The following CACNA2D2 variants were observed in gnomAD, a reference collection of about 807,000 sequenced individuals.
The protein encoded by CACNA2D2 is calcium voltage-gated channel auxiliary subunit alpha2delta 2.
A neutral mutation model predicts 166.4 loss-of-function variants in CACNA2D2; 48 were observed. The ratio of observed to expected loss-of-function variants is 0.29; its 90% CI spans 0.23 to 0.37. The LOEUF (loss-of-function observed/expected upper bound fraction) is 0.37. Among genes scored for constraint, CACNA2D2 ranks in the 10% least tolerant of loss-of-function variants. The pLI is 1.00. For missense variants in CACNA2D2, 1,122 were observed against 1,433.0 expected, an observed-to-expected ratio of 0.78 and a Z score of 3.50; for synonymous variants, 561 against 573.7, an observed-to-expected ratio of 0.98 and a Z score of 0.32.
chr3:50,393,279 C>CA (rs1705973460), intron 4 of CACNA2D2, among the ~76,000 whole-genome samples: 1 of 152,182 alleles, frequency 6.6e-6, no homozygotes, highest in South Asian at 2.1e-4. Flanking sequence ...GTGTTTAGCA[C>CA]AAGAGTACTA....
chr3:50,451,362 G>A (rs967466639), intron 2 of CACNA2D2, among the ~76,000 whole-genome samples: 3 of 151,934 alleles, frequency 2.0e-5, no homozygotes, highest in African/African-American at 7.3e-5. Context: ...CTGACCTCAG[G>A]TGATCTGCCC....
chr3:50,464,870 T>C (rs1163946900), intron 2 of CACNA2D2, among the ~76,000 whole-genome samples: 2 of 152,240 alleles, frequency 1.3e-5, no homozygotes, highest in Non-Finnish European at 2.9e-5. Flanking sequence ...TCTAGCGAAC[T>C]GGGCTGCAAG....
chr3:50,439,202 C>T (rs989970969), intron 2 of CACNA2D2, among the ~76,000 whole-genome samples: 4 of 152,226 alleles, frequency 2.6e-5, no homozygotes, highest in African/African-American at 7.2e-5. Context: ...GGGCTTGGGG[C>T]GGATGCAGGC....
intron 6 of CACNA2D2, among the ~76,000 whole-genome samples, chr3:50,382,399 G>A (rs1210939642): frequency 1.3e-5 from 2 of 152,172 alleles, no homozygotes; most frequent in African/African-American, 4.8e-5. Context: ...CAGTTCTCTA[G>A]CCTCTGCTCC....
chr3:50,453,537 G>A (rs768592227), intron 2 of CACNA2D2, among the ~76,000 whole-genome samples: 8 of 151,998 alleles, frequency 5.3e-5, no homozygotes, highest in Non-Finnish European at 7.4e-5. Flanking sequence ...CTCAGGCCTC[G>A]CCCCTTTCAA....
intron 1 of CACNA2D2, among the ~76,000 whole-genome samples, chr3:50,496,105 G>A (rs1237855273): frequency 6.6e-6 from 1 of 152,232 alleles, no homozygotes; most frequent in East Asian, 1.9e-4. Context: ...CACTGCCAGT[G>A]TTTGCCCAGC....
At chr3:50,445,428 C>T (rs1708797374) in intron 2 of CACNA2D2, among the ~76,000 whole-genome samples, 6 of 152,194 alleles carry the variant, frequency 3.9e-5, no homozygotes, top group Admixed American at 3.3e-4. Flanking sequence ...CACACCATGC[C>T]TGGGCCATCT....
intron 2 of CACNA2D2, among the ~76,000 whole-genome samples, chr3:50,445,240 G>C (rs975519849): frequency 6.6e-6 from 1 of 152,166 alleles, no homozygotes; most frequent in African/African-American, 2.4e-5. Context: ...AACAGCATAG[G>C]TGCCGGACCT....
At chr3:50,478,665 A>T (rs1697906480) in intron 1 of CACNA2D2, among the ~76,000 whole-genome samples, 1 of 152,182 alleles carries the variant, frequency 6.6e-6, no homozygotes, top group Admixed American at 6.5e-5. Context: ...GGTTCAACTG[A>T]CCTGTACAAG....
chr3:50,398,374 G>A (rs1413184573), intron 3 of CACNA2D2, among the ~76,000 whole-genome samples: 2 of 152,164 alleles, frequency 1.3e-5, no homozygotes, highest in African/African-American at 2.4e-5. Context: ...TCCTGACCCT[G>A]ACACTCAGCG....
intron 6 of CACNA2D2, among the ~76,000 whole-genome samples, chr3:50,382,006 AC>A (rs1705346096): frequency 6.6e-6 from 1 of 151,326 alleles, no homozygotes; most frequent in Non-Finnish European, 1.5e-5. Context: ...ACACACACAC[AC>A]ACACACACAC....
At position 50,472,515 on chromosome 3, in the gene CACNA2D2, T is replaced by C. The variant is rs376351439; in HGVS notation, c.288+3603A>G. 5.3e-5 allele frequency among the ~76,000 whole-genome samples: 8 copies of C among 152,248 alleles called. No individual in the cohort carries two copies. The East Asian group carries it at 9.7e-4, about 18-fold the overall frequency. On this transcript the variant is annotated intron_variant, in intron 2 of 37. Transcript: ENST00000424201. ...AGGCAGAGGAGCTTCCCTCCTTCTATAGAGATCCTCCAAGGAAGGTGTCTC... is the reference window on the plus strand; with the variant it reads ...AGGCAGAGGAGCTTCCCTCCTTCTACAGAGATCCTCCAAGGAAGGTGTCTC...
chr3:50,410,334 A>G (rs1344922960), intron 3 of CACNA2D2, among the ~76,000 whole-genome samples: 1 of 152,216 alleles, frequency 6.6e-6, no homozygotes, highest in Non-Finnish European at 1.5e-5. Context: ...ATCCTCACTC[A>G]TTCTCACAGG....
At chr3:50,471,751 C>T (rs1017247737) in intron 2 of CACNA2D2, among the ~76,000 whole-genome samples, 8 of 152,300 alleles carry the variant, frequency 5.3e-5, no homozygotes, top group African/African-American at 1.9e-4. Context: ...TGGCCCTGGA[C>T]ATGGCCAGAC....
intron 2 of CACNA2D2, among the ~76,000 whole-genome samples, chr3:50,442,900 A>AG (rs956087078): frequency 4.4e-4 from 67 of 152,316 alleles, no homozygotes; most frequent in African/African-American, 1.5e-3. Context: ...GCTGGAGAGC[A>AG]GGGGAGACAA....
chr3:50,370,393 C>A lies in CACNA2D2; in HGVS notation c.1985-13G>T. ...AGGAACTCAAAATCTGCAACAGAAA[C>A]GGGGGGTTATCCGGCGGGGGCTGGG... On this transcript the variant is annotated splice_polypyrimidine_tract_variant and intron_variant, in intron 22 of 37. Transcript: ENST00000424201. 7.9e-7 allele frequency: 1 copy of A among 1,261,784 alleles called. No homozygotes were observed. Among genetic ancestry groups the A allele is most frequent in the Non-Finnish European group, 1.0e-6 (1 of 967,516 alleles). 78.2% of individuals were successfully genotyped at this position (1,261,784 alleles called of 1,614,324 possible).
chr3:50,363,600 C>A lies in CACNA2D2; in HGVS notation c.*1066G>T. The A allele has an allele frequency of 7.8e-6, 2 of 257,838 alleles. No individual in the cohort carries two copies. Among genetic ancestry groups the A allele is most frequent in the East Asian group, 7.6e-5 (1 of 13,104 alleles). 16.0% of individuals were successfully genotyped at this position (257,838 alleles called of 1,614,324 possible). ...CCTGAGTGTGTAAGGGCCAGATTGG[C>A]GGAAGGATGGCCCAGCCAGGAGAGA... On this transcript the variant is annotated 3_prime_UTR_variant, in exon 38 of 38. Coordinates refer to ENST00000424201, the MANE Select transcript of CACNA2D2 (RefSeq NM_006030.4).
At position 50,502,533 on chromosome 3, in the gene CACNA2D2, G is replaced by A. The variant is rs567956837; in HGVS notation, c.206+685C>T. On this transcript the variant is annotated intron_variant, in intron 1 of 37. Coordinates refer to ENST00000424201, the MANE Select transcript of CACNA2D2 (RefSeq NM_006030.4). ...CAGAGCCAGGAGAAGCTATTACTCT[G>A]TTGGCAGCAGCAGCAGGCGCAGGCA... 4.1e-4 allele frequency among the ~76,000 whole-genome samples: 62 copies of A among 152,348 alleles called. No individual in the cohort carries two copies. The South Asian group carries it at 6.6e-3, about 16-fold the overall frequency.
At chr3:50,454,999 G>T (rs1409471934) in intron 2 of CACNA2D2, among the ~76,000 whole-genome samples, 1 of 152,208 alleles carries the variant, frequency 6.6e-6, no homozygotes, top group Non-Finnish European at 1.5e-5. Context: ...CAGCTGAAAA[G>T]AAAGGCTTCG....
Sources: allele counts gnomAD v4.1 joint callset (sites outside exome capture counted in the v4.1 genomes callset), GRCh38; gene constraint gnomAD v4.1.1; transcripts MANE v1.5; gene names NCBI Gene and HGNC (gene_info 2026-07-23, HGNC 2026-07-21).